The following CROCC variants were observed in gnomAD, a reference collection of about 807,000 sequenced individuals.
The protein encoded by CROCC is ciliary rootlet coiled-coil, rootletin.
CROCC carries 180 observed loss-of-function variants against 245.2 expected under a neutral mutation model. The ratio of observed to expected loss-of-function variants is 0.73; its 90% CI spans 0.65 to 0.83. CROCC has a LOEUF of 0.83. Ranked by LOEUF, CROCC falls within the 40% of genes least tolerant of loss-of-function variation. The pLI is 0.00. For missense variants in CROCC, 2,688 were observed against 2,779.4 expected (o/e 0.97, Z 0.74); for synonymous variants, 1,205 against 1,241.6 (o/e 0.97, Z 0.62).
intron 27 of CROCC, among the ~76,000 whole-genome samples, chr1:16,963,394 G>C (rs1242210098): frequency 6.6e-6 from 1 of 151,950 alleles, no homozygotes; most frequent in African/African-American, 2.4e-5. Context: ...AGAGCATCAA[G>C]CAGGGGGGTG....
intron 24 of CROCC, 94 bp downstream of exon 24, chr1:16,955,644 A>G: frequency 8.8e-7 from 1 of 1,132,440 alleles, no homozygotes; most frequent in Non-Finnish European, 1.2e-6. Flanking sequence ...AATTGCCCAG[A>G]TACGGATCCT....
rs1430441477 is a variant in CROCC, at chr1:16,930,459, G to C, written c.714G>C (p.Met238Ile). The part of the protein sequence containing the change: ...RSASLAQVNA[M>I]LREQLDQAGS... ...CCAGCCTGGCCCAGGTGAATGCCAT[G>C]CTCCGAGAACAGCTGGACCAGGCAG... The change falls in exon 7 of 37, where the codon ATG becomes ATC. Residue 238 changes from methionine (M) to isoleucine (I), a missense_variant. Physicochemically the swap from Met to Ile is conservative, Grantham distance 10. This residue lies in a region of CROCC where 972 missense variants were observed against 895.3 expected (regional missense o/e 1.09). Transcript: ENST00000375541. 6.2e-7 allele frequency: 1 copy of C among 1,612,088 alleles called. No individual in the cohort carries two copies. The highest frequency in any genetic ancestry group is 1.3e-5 in the African/African-American group (1 of 74,922).
chr1:16,921,891 G>T (rs1446218342), upstream of CROCC: 24 of 994,722 alleles, frequency 2.4e-5, no homozygotes, highest in African/African-American at 3.4e-4. Flanking sequence ...GTCACATGGG[G>T]GCGCCGCCGG....
rs772105807 is a variant in CROCC at position 16,939,934 on chromosome 1, G to T, written c.1649G>T (p.Gly550Val). Residue 550 changes from glycine to valine, a missense_variant, in exon 13 of 37, where the codon GGC (glycine) becomes GTC (valine). Transcript: ENST00000375541. ...TATGAGGCAAGCCAGGACCTACTGG[G>T]CACCCTGCGGAAGCAGCTTAGCGAC... The part of the protein sequence containing the change: ...GRYEASQDLL[G>V]TLRKQLSDSE... 6.2e-6 allele frequency: 10 copies of T among 1,612,720 alleles called. No homozygotes were observed. Among genetic ancestry groups the T allele is most frequent in the South Asian group, 4.4e-5 (4 of 91,022 alleles).
chr1:16,962,829 A>G (rs1268743076), intron 27 of CROCC, among the ~76,000 whole-genome samples: 19 of 151,258 alleles, frequency 1.3e-4, no homozygotes, highest in Admixed American at 5.3e-4. Context: ...GGAACAGATG[A>G]TGGTGATGGC....
In CROCC at chr1:16,948,843, G is replaced by T. The variant is rs530124548; in HGVS notation, c.2753G>T (p.Arg918Leu). The T allele has an allele frequency of 2.9e-4, 460 of 1,611,098 alleles. No homozygotes were observed. The East Asian group carries it at 0.01, about 36-fold the overall frequency. Reference sequence around the variant, plus strand: ...GAGGGCAGCCTGTTTGAGGTGCAACGGCAGCTGGCCCAGCTTGAGGCCCGC... The same window carrying T: ...GAGGGCAGCCTGTTTGAGGTGCAACTGCAGCTGGCCCAGCTTGAGGCCCGC... ...ALEGSLFEVQ[R>L]QLAQLEARRE... Residue 918 changes from arginine (R) to leucine (L), a missense_variant, in exon 19 of 37, where the codon CGG becomes CTG. By Grantham distance (102) the Arg-to-Leu change is moderately radical (BLOSUM62 -2). Transcript: ENST00000375541.
chr1:16,940,822 A>C (rs1302801106), intron 13 of CROCC: 1 of 363,314 alleles, frequency 2.8e-6, no homozygotes, highest in Non-Finnish European at 5.5e-6. Context: ...GAACTCCCAG[A>C]CTCAAGCGAT....
intron 9 of CROCC, among the ~76,000 whole-genome samples, 199 bp from the exon 10 acceptor site, chr1:16,937,442 G>C (rs2075816762): frequency 6.6e-6 from 1 of 152,254 alleles, no homozygotes. Flanking sequence ...GATAAAGCTG[G>C]TGGGAACCTC....
chr1:16,969,354 G>C lies in CROCC; in HGVS notation c.5301+14G>C. The C allele has an allele frequency of 5.0e-6, 8 of 1,602,042 alleles. No individual in the cohort carries two copies. The highest frequency in any genetic ancestry group is 6.8e-6 in the Non-Finnish European group (8 of 1,174,468). ...CAAGTACTCCAGGTCTCGGGCCCAG[G>C]GTCTGGCTGGGGTGGGCCCAGTGAG... On this transcript the variant is annotated intron_variant, in intron 32 of 36. Coordinates refer to ENST00000375541, the MANE Select transcript of CROCC (RefSeq NM_014675.5).
Position 16,939,128 on chromosome 1 carries a change from C to T in CROCC, c.1594C>T (p.Gln532Ter). 4 of 1,526,004 alleles carry T rather than the reference C, an allele frequency of 2.6e-6. No homozygotes were observed. The highest frequency in any genetic ancestry group is 3.5e-6 in the Non-Finnish European group (4 of 1,148,162). 94.5% of individuals were successfully genotyped at this position (1,526,004 alleles called of 1,614,324 possible). The change falls in exon 12 of 37, where the codon CAG (glutamine) becomes TAG (stop). Residue 532 changes from glutamine (Q) to a stop codon, truncating the protein, a stop_gained. Transcript: ENST00000375541. LOFTEE classifies it high-confidence loss of function. Reference sequence around the variant, plus strand: ...GATCCACTCCGCCCTGCACAAGCGCCAGCTGCAGGTCCAGGTAGGAAGGGG... The same window carrying T: ...GATCCACTCCGCCCTGCACAAGCGCTAGCTGCAGGTCCAGGTAGGAAGGGG... ...ALIHSALHKR[Q>*]LQVQDMRGRY...
At chr1:16,955,030 C>T (rs111998147) in intron 23 of CROCC, among the ~76,000 whole-genome samples, 153 bp downstream of exon 23, 12 of 152,210 alleles carry the variant, frequency 7.9e-5, no homozygotes, top group African/African-American at 2.6e-4. Flanking sequence ...GCAAGCACTA[C>T]GAAGCACCTG....
chr1:16,946,440 C>T, intron 16 of CROCC, 35 bp downstream of exon 16: 1 of 1,599,890 alleles, frequency 6.3e-7, no homozygotes, highest in Non-Finnish European at 8.5e-7. Flanking sequence ...CCTGCCTTGC[C>T]CACCCATCCT....
At chr1:16,956,594 G>T (rs1386366986) in intron 25 of CROCC, among the ~76,000 whole-genome samples, 2 of 152,158 alleles carry the variant, frequency 1.3e-5, no homozygotes, top group East Asian at 3.9e-4. Context: ...CCCAAACAGT[G>T]CATGAACAGA....
At position 16,955,013 on chromosome 1, in the gene CROCC, G is replaced by A. The variant is rs879264657; in HGVS notation, c.3465+136G>A. 12 of 1,205,320 alleles carry A rather than the reference G, an allele frequency of 1.0e-5. No individual in the cohort carries two copies. The Admixed American group carries it at 1.2e-4, about 12-fold the overall frequency. 74.7% of individuals were successfully genotyped at this position (1,205,320 alleles called of 1,614,324 possible). A position where few individuals can be genotyped will look rare whatever the true frequency, so the allele number is the denominator to read the frequency against. Reference sequence around the variant, plus strand: ...GGACCAATGAATAGCAACTTAGAAAGGAGGCAGCAAGCACTACGAAGCACC... The same window carrying A: ...GGACCAATGAATAGCAACTTAGAAAAGAGGCAGCAAGCACTACGAAGCACC... On this transcript the variant is annotated intron_variant, in intron 23 of 36. Transcript: ENST00000375541.
chr1:16,940,886 G>A, intron 13 of CROCC: 1 of 424,958 alleles, frequency 2.4e-6, no homozygotes, highest in Non-Finnish European at 4.7e-6. Context: ...GCCTGGCCTG[G>A]GGAAGGATAT....
Position 16,940,045 on chromosome 1 carries a change from C to T in CROCC, c.1760C>T (p.Ala587Val). Reference protein sequence around the residue: ...TDGAMQAHEDAQREVQRLRSA... With the variant: ...TDGAMQAHEDVQREVQRLRSA... ...GGCGCCATGCAGGCCCACGAGGACG[C>T]CCAGCGCGAGGTGCAGCGGCTGCGG... The change falls in exon 13 of 37, where the codon GCC (alanine) becomes GTC (valine). Residue 587 changes from alanine (A) to valine (V), a missense_variant. Physicochemically the swap from Ala to Val is moderately conservative, Grantham distance 64. This residue lies in a region of CROCC where 972 missense variants were observed against 895.3 expected (regional missense o/e 1.09). Coordinates refer to ENST00000375541, the MANE Select transcript of CROCC (RefSeq NM_014675.5). 1 of 1,610,414 alleles carries T rather than the reference C, an allele frequency of 6.2e-7. No individual in the cohort carries two copies. The highest frequency in any genetic ancestry group is 8.5e-7 in the Non-Finnish European group (1 of 1,179,230).
chr1:16,966,598 G>T lies in CROCC; in HGVS notation c.4860+27G>T, dbSNP rs2076422801. ...TGGGCAGGAGCTGAGGGCCAGCGGG[G>T]CGACGGGGAATCTGTGTACCCGAGT... On this transcript the variant is annotated intron_variant, in intron 30 of 36. Coordinates refer to ENST00000375541, the MANE Select transcript of CROCC (RefSeq NM_014675.5). This position sits in a 1 kb window ranked among gnomAD's most constrained non-coding sequence, Gnocchi z 4.8. The T allele has an allele frequency of 4.1e-6, 6 of 1,453,630 alleles. No homozygotes were observed. In the South Asian group the frequency reaches 5.5e-5, roughly 13 times the overall value. 90.0% of individuals were successfully genotyped at this position (1,453,630 alleles called of 1,614,324 possible).
At chr1:16,956,608 G>T (rs1405326014) in intron 25 of CROCC, among the ~76,000 whole-genome samples, 3 of 152,108 alleles carry the variant, frequency 2.0e-5, no homozygotes, top group African/African-American at 7.2e-5. Context: ...GAACAGAGGG[G>T]TGTGGGTTCC....
chr1:16,930,057 G>GTCC, intron 4 of CROCC, 26 bp downstream of exon 4: 2 of 1,566,168 alleles, frequency 1.3e-6, no homozygotes, highest in South Asian at 2.3e-5. Context: ...TCCTGCTCCT[G>GTCC]TCCTCCCACC....
Sources: allele counts gnomAD v4.1 joint callset (sites outside exome capture counted in the v4.1 genomes callset), GRCh38; gene constraint gnomAD v4.1.1; regional missense constraint gnomAD v4.1.1; non-coding constraint Gnocchi (gnomAD v3.1); transcripts MANE v1.5; gene names NCBI Gene and HGNC (gene_info 2026-07-23, HGNC 2026-07-21).